Variants in PIBF1 observed in about 807,000 individuals in gnomAD.
The protein encoded by PIBF1 is progesterone immunomodulatory binding factor 1.
PIBF1 carries 90 observed loss-of-function variants against 112.5 expected under a neutral mutation model. The observed-to-expected ratio is 0.80, with a 90% CI of 0.67 to 0.95. PIBF1 has a LOEUF of 0.95. PIBF1 is among the 40% of genes least tolerant of loss of function. PIBF1 has a pLI of 0.00. For synonymous variants in PIBF1, 301 were observed against 288.6 expected (o/e 1.04, Z -0.44); for missense variants, 915 against 852.3 (o/e 1.07, Z -0.92).
chr13:72,980,735 G>A (rs1192123962), intron 16 of PIBF1, among the ~76,000 whole-genome samples: 2 of 151,858 alleles, frequency 1.3e-5, no homozygotes, highest in Non-Finnish European at 2.9e-5. Flanking sequence ...AGCCCAGGAG[G>A]TGGAGGTTGC....
At chr13:72,954,024 C>A (rs1394573583) in intron 14 of PIBF1, among the ~76,000 whole-genome samples, 1 of 152,054 alleles carries the variant, frequency 6.6e-6, no homozygotes, top group Non-Finnish European at 1.5e-5. Flanking sequence ...AAGCAGTGTC[C>A]CCAGTGGGGA....
intron 15 of PIBF1, among the ~76,000 whole-genome samples, chr13:72,973,133 G>A (rs2042938414): frequency 6.6e-6 from 1 of 152,140 alleles, no homozygotes; most frequent in African/African-American, 2.4e-5. Flanking sequence ...AAAGCTGGGT[G>A]CAGTGATGTA....
In PIBF1 at chr13:72,998,835, T is replaced by C. The variant is rs201825333; in HGVS notation, c.2063T>C (p.Met688Thr). ...ATATATCAACAGGAATTGGCAGCAA[T>C]GAAACAGATTCTCGTTAAGATGCAT... Reference protein sequence around the residue: ...LLNHREELAAMKQILVKMHSK... With the variant: ...LLNHREELAATKQILVKMHSK... The change falls in exon 17 of 18, where the codon ATG (methionine) becomes ACG (threonine). Residue 688 changes from methionine to threonine, a missense_variant. Physicochemically the swap from Met to Thr is moderately conservative, Grantham distance 81. Transcript: ENST00000326291. 1.3e-5 allele frequency: 21 copies of C among 1,611,340 alleles called. No homozygotes were observed. The highest frequency in any genetic ancestry group is 1.7e-5 in the Non-Finnish European group (20 of 1,178,800).
At chr13:72,897,029 A>C (rs868250551) in intron 11 of PIBF1, among the ~76,000 whole-genome samples, 1 of 152,210 alleles carries the variant, frequency 6.6e-6, no homozygotes, top group African/African-American at 2.4e-5. Flanking sequence ...GAAGGAAAGA[A>C]TCTTAAGAGC....
chr13:72,999,926 G>T (rs1213972272), intron 17 of PIBF1, among the ~76,000 whole-genome samples: 2 of 152,098 alleles, frequency 1.3e-5, no homozygotes, highest in African/African-American at 4.8e-5. Context: ...AAAATTACCC[G>T]GGTGTGGTGG....
At chr13:72,972,182 T>C (rs978010218) in intron 15 of PIBF1, among the ~76,000 whole-genome samples, 2 of 151,846 alleles carry the variant, frequency 1.3e-5, no homozygotes, top group East Asian at 3.9e-4. Context: ...TAAAGGTGCA[T>C]GTCTCCACAC....
intron 15 of PIBF1, among the ~76,000 whole-genome samples, chr13:72,967,988 A>T (rs903199726): frequency 1.3e-5 from 2 of 152,000 alleles, no homozygotes; most frequent in African/African-American, 4.8e-5. Flanking sequence ...GATCGAGACC[A>T]TCCTGGCTAA....
chr13:72,839,448 A>G (rs1397948486), intron 9 of PIBF1, among the ~76,000 whole-genome samples: 3 of 152,238 alleles, frequency 2.0e-5, no homozygotes, highest in Non-Finnish European at 4.4e-5. Flanking sequence ...TGTGGCATCT[A>G]CAAATAAAAG....
chr13:72,813,436 T>C (rs1174082545), intron 5 of PIBF1, among the ~76,000 whole-genome samples: 4 of 152,202 alleles, frequency 2.6e-5, no homozygotes, highest in African/African-American at 9.7e-5. Context: ...AAACTTGCTG[T>C]CTCACAATAA....
At chr13:72,952,296 C>T (rs916223467) in intron 14 of PIBF1, among the ~76,000 whole-genome samples, 16 of 152,014 alleles carry the variant, frequency 1.1e-4, no homozygotes, top group Non-Finnish European at 2.4e-4. Flanking sequence ...TCAGGTGATC[C>T]ACCTGCCTTG....
intron 16 of PIBF1, among the ~76,000 whole-genome samples, chr13:72,986,859 T>C (rs1336109177): frequency 2.0e-5 from 3 of 150,986 alleles, no homozygotes; most frequent in Non-Finnish European, 3.0e-5. Context: ...CCCGGCTAAT[T>C]TTTTTGTATT....
At chr13:73,010,810 CTTTTTTTTTTTTTTTT>C (rs1176079981) in intron 17 of PIBF1, among the ~76,000 whole-genome samples, 4 of 40,306 alleles carry the variant, frequency 9.9e-5, no homozygotes, top group East Asian at 9.6e-4. Flanking sequence ...ATTAACTTTT[CTTTTTTTTTTTTTTTT>C]TTTTTTTTTT....
chr13:72,924,199 T>A (rs2138726968), intron 13 of PIBF1, among the ~76,000 whole-genome samples: 1 of 152,122 alleles, frequency 6.6e-6, no homozygotes, highest in African/African-American at 2.4e-5. Context: ...TTTAGGAGGT[T>A]GAATATAGAA....
At chr13:72,814,113 A>G (rs2036152075) in intron 5 of PIBF1, among the ~76,000 whole-genome samples, 1 of 152,196 alleles carries the variant, frequency 6.6e-6, no homozygotes, top group Non-Finnish European at 1.5e-5. Flanking sequence ...CTATTTGTTT[A>G]TAGGAAATAT....
intron 9 of PIBF1, among the ~76,000 whole-genome samples, chr13:72,851,947 C>T (rs1348231470): frequency 6.6e-6 from 1 of 152,196 alleles, no homozygotes; most frequent in Non-Finnish European, 1.5e-5. Context: ...AAGAGCTGAG[C>T]AGACAGTGGG....
intron 14 of PIBF1, among the ~76,000 whole-genome samples, chr13:72,955,158 A>G (rs1470899119): frequency 2.6e-5 from 4 of 152,248 alleles, no homozygotes; most frequent in Admixed American, 1.3e-4. Flanking sequence ...TATCTTCCAT[A>G]TGAATGGCTG....
intron 5 of PIBF1, among the ~76,000 whole-genome samples, chr13:72,817,010 G>A (rs1260373288): frequency 6.6e-6 from 1 of 152,148 alleles, no homozygotes; most frequent in African/African-American, 2.4e-5. Context: ...TTAGATTATT[G>A]ATAATGTGAA....
At chr13:72,811,175 A>G (rs1043573810) in intron 5 of PIBF1, among the ~76,000 whole-genome samples, 4 of 152,220 alleles carry the variant, frequency 2.6e-5, no homozygotes, top group African/African-American at 7.2e-5. Flanking sequence ...CTCAATTTTT[A>G]ATAAACAACC....
chr13:72,886,807 G>T (rs1402891981), intron 10 of PIBF1, among the ~76,000 whole-genome samples: 1 of 152,030 alleles, frequency 6.6e-6, no homozygotes, highest in Non-Finnish European at 1.5e-5. Flanking sequence ...AAAAATGACA[G>T]ATGTAGTATT....
Sources: allele counts gnomAD v4.1 joint callset (sites outside exome capture counted in the v4.1 genomes callset), GRCh38; gene constraint gnomAD v4.1.1; transcripts MANE v1.5; gene names NCBI Gene and HGNC (gene_info 2026-07-23, HGNC 2026-07-21).